MFHAS1: variants seen among roughly 807,000 people sequenced by gnomAD.
MFHAS1 encodes malignant fibrous histiocytoma-amplified sequence 1.
In MFHAS1, 50 loss-of-function variants were observed where a neutral mutation model predicts 70.4. The ratio of observed to expected loss-of-function variants is 0.71; its 90% CI spans 0.57 to 0.90. The LOEUF (loss-of-function observed/expected upper bound fraction) is 0.90, where lower values mean the gene tolerates loss of function less well. MFHAS1 is among the 40% of genes least tolerant of loss of function. The pLI is 0.00. For synonymous variants in MFHAS1, 952 were observed against 620.0 expected (o/e 1.54, Z -7.96); for missense variants, 1,795 against 1,347.6 (o/e 1.33, Z -5.20).
chr8:8,886,019 C>A (rs1198754439), intron 1 of MFHAS1, among the ~76,000 whole-genome samples: 1 of 152,188 alleles, frequency 6.6e-6, no homozygotes, highest in Non-Finnish European at 1.5e-5. Flanking sequence ...AAAAGAATCT[C>A]CTGTCACTCA....
In MFHAS1 at chr8:8,891,891, G is replaced by C. The variant is rs148631416; in HGVS notation, c.1168C>G (p.Pro390Ala). 6.2e-7 allele frequency: 1 copy of C among 1,611,408 alleles called. No individual in the cohort carries two copies. Among genetic ancestry groups the C allele is most frequent in the Non-Finnish European group, 8.5e-7 (1 of 1,178,766 alleles). Reference protein sequence around the residue: ...PPYEVCMKGIPYIAAYQKELA... With the variant: ...PPYEVCMKGIAYIAAYQKELA... The stretch of plus-strand genomic sequence containing the variant: ...TCCTTCTGGTAGGCTGCGATGTAGG[G>C]GATCCCCTTCATGCAGACCTCGTAG... The change falls in exon 1 of 3, where the codon CCC (proline) becomes GCC (alanine). Residue 390 changes from proline (P) to alanine (A), a missense_variant. Physicochemically the swap from Pro to Ala is conservative, Grantham distance 27. Coordinates refer to ENST00000276282, the MANE Select transcript of MFHAS1 (RefSeq NM_004225.3). The surrounding 1 kb of genome is among the most constrained non-coding windows in gnomAD (Gnocchi z 5.4).
intron 1 of MFHAS1, among the ~76,000 whole-genome samples, chr8:8,824,868 G>A (rs886644890): frequency 1.3e-5 from 2 of 152,214 alleles, no homozygotes; most frequent in African/African-American, 2.4e-5. Flanking sequence ...CACAGCGATC[G>A]CACCCTGGAG....
At position 8,892,285 on chromosome 8, in the gene MFHAS1, G is replaced by A. The variant is rs143241541; in HGVS notation, c.774C>T (p.Asp258=). 1 of 1,612,646 alleles carries A rather than the reference G, an allele frequency of 6.2e-7. No homozygotes were observed. The highest frequency in any genetic ancestry group is 8.5e-7 in the Non-Finnish European group (1 of 1,180,036). Residue 258 remains aspartate (D), a synonymous_variant, in exon 1 of 3, where the codon GAC becomes GAT. Coordinates refer to ENST00000276282, the MANE Select transcript of MFHAS1 (RefSeq NM_004225.3). The surrounding 1 kb of genome is among the most constrained non-coding windows in gnomAD (Gnocchi z 4.7). Reference sequence around the variant, plus strand: ...CGGGCAGAGCCTGCAGCCCGTTGTTGTCTAGCATGAGGCTCTCCAAACTGG... The same window carrying A: ...CGGGCAGAGCCTGCAGCCCGTTGTTATCTAGCATGAGGCTCTCCAAACTGG... ...ELASLESLML[D]NNGLQALPAQ... is the part of the protein sequence containing the mutation.
chr8:8,785,999 T>C lies in MFHAS1; in HGVS notation c.*23A>G, dbSNP rs778673952. 5 of 1,613,798 alleles carry C rather than the reference T, an allele frequency of 3.1e-6. No homozygotes were observed. Among genetic ancestry groups the C allele is most frequent in the East Asian group, 2.2e-5 (1 of 44,884 alleles). On this transcript the variant is annotated 3_prime_UTR_variant, in exon 3 of 3. Coordinates refer to ENST00000276282, the MANE Select transcript of MFHAS1 (RefSeq NM_004225.3). Reference sequence around the variant, plus strand: ...GTGTTCAGATGCTCTCTTTTCTCCATGGAAATTCCACAGCCACAAACGTCA... The same window carrying C: ...GTGTTCAGATGCTCTCTTTTCTCCACGGAAATTCCACAGCCACAAACGTCA...
intron 1 of MFHAS1, chr8:8,821,967 G>C (rs1171791913): frequency 1.3e-5 from 2 of 152,362 alleles, no homozygotes; most frequent in African/African-American, 4.8e-5. Context: ...GGCTCTGACA[G>C]CTCTAGGCCT....
At chr8:8,827,311 C>A (rs972756857) in intron 1 of MFHAS1, among the ~76,000 whole-genome samples, 1 of 152,186 alleles carries the variant, frequency 6.6e-6, no homozygotes, top group African/African-American at 2.4e-5. Context: ...AGTGGAATGA[C>A]TGAGTCTAAG....
At chr8:8,863,790 T>C (rs917408010) in intron 1 of MFHAS1, among the ~76,000 whole-genome samples, 2 of 152,194 alleles carry the variant, frequency 1.3e-5, no homozygotes, top group Admixed American at 6.5e-5. Flanking sequence ...CAGTTTCTAA[T>C]GAGCTTAGAA....
chr8:8,828,370 C>G (rs1202842412), intron 1 of MFHAS1, among the ~76,000 whole-genome samples: 1 of 152,186 alleles, frequency 6.6e-6, no homozygotes, highest in Non-Finnish European at 1.5e-5. Flanking sequence ...AGTGGGGAGG[C>G]AGAACACATG....
chr8:8,795,580 G>A (rs1481422783), intron 2 of MFHAS1, among the ~76,000 whole-genome samples: 1 of 152,232 alleles, frequency 6.6e-6, no homozygotes, highest in Non-Finnish European at 1.5e-5. Flanking sequence ...TTTCCAGCAA[G>A]GATAGATTAG....
chr8:8,876,942 G>GA (rs1372342889), intron 1 of MFHAS1, among the ~76,000 whole-genome samples: 1 of 149,834 alleles, frequency 6.7e-6, no homozygotes, highest in Non-Finnish European at 1.5e-5. Flanking sequence ...AAAAAAAAAA[G>GA]AAAAAAAATG....
chr8:8,882,683 T>TCTACCTGCTCTGACCCCC, intron 1 of MFHAS1, among the ~76,000 whole-genome samples: 1 of 152,196 alleles, frequency 6.6e-6, no homozygotes, highest in African/African-American at 2.4e-5. Flanking sequence ...CTCTGACCCC[T>TCTACCTGCTCTGACCCCC]TCTACCTGAT....
intron 1 of MFHAS1, among the ~76,000 whole-genome samples, chr8:8,802,155 C>T (rs548894567): frequency 3.9e-5 from 6 of 152,272 alleles, no homozygotes; most frequent in African/African-American, 1.2e-4. Flanking sequence ...TTCACAACAA[C>T]ACCAGAAGGG....
intron 1 of MFHAS1, among the ~76,000 whole-genome samples, chr8:8,808,476 A>G (rs1428094563): frequency 6.6e-6 from 1 of 152,216 alleles, no homozygotes; most frequent in Non-Finnish European, 1.5e-5. Context: ...AAGAGTAGTG[A>G]TGCTGGCGAT....
At chr8:8,815,733 A>G (rs1343893886) in intron 1 of MFHAS1, among the ~76,000 whole-genome samples, 2 of 152,150 alleles carry the variant, frequency 1.3e-5, no homozygotes, top group Admixed American at 6.5e-5. Flanking sequence ...ACTCTCCTAC[A>G]CTGTGGGTGG....
At chr8:8,879,278 G>A (rs1485443368) in intron 1 of MFHAS1, among the ~76,000 whole-genome samples, 2 of 152,086 alleles carry the variant, frequency 1.3e-5, no homozygotes, top group Non-Finnish European at 2.9e-5. Context: ...TTGAACCCGG[G>A]AGGCGGAAGC....
chr8:8,798,422 C>T (rs1481425402), intron 1 of MFHAS1, among the ~76,000 whole-genome samples: 1 of 152,210 alleles, frequency 6.6e-6, no homozygotes, highest in Non-Finnish European at 1.5e-5. Context: ...ATCTCCCAGG[C>T]TCAGGTGATC....
At chr8:8,849,954 C>T (rs1808180514) in intron 1 of MFHAS1, among the ~76,000 whole-genome samples, 1 of 152,222 alleles carries the variant, frequency 6.6e-6, no homozygotes, top group African/African-American at 2.4e-5. Flanking sequence ...TAGACTTTCT[C>T]AGGATGGTAG....
intron 2 of MFHAS1, among the ~76,000 whole-genome samples, chr8:8,787,331 T>C (rs576019379): frequency 4.3e-4 from 66 of 152,146 alleles, no homozygotes; most frequent in Non-Finnish European, 6.8e-4. Context: ...CCGCCCACCT[T>C]GGCCTCCCAA....
Position 8,886,526 on chromosome 8 carries a change from G to A in MFHAS1, c.2998+3535C>T, listed in dbSNP as rs553098557. ...AGAGAAATTTACCATTATACTTCCCGTGGTCAACTACAGTAGGGCAGCTCA... is the reference window on the plus strand; with the variant it reads ...AGAGAAATTTACCATTATACTTCCCATGGTCAACTACAGTAGGGCAGCTCA... On this transcript the variant is annotated intron_variant, in intron 1 of 2. Transcript: ENST00000276282. 5.3e-5 allele frequency among the ~76,000 whole-genome samples: 8 copies of A among 152,148 alleles called. No homozygotes were observed. In the South Asian group the frequency reaches 1.0e-3, roughly 20 times the overall value.
Sources: gnomAD v4.1 joint callset for allele counts (sites outside exome capture counted in the v4.1 genomes callset) on GRCh38, gnomAD v4.1.1 for gene constraint, Gnocchi (gnomAD v3.1) non-coding constraint, MANE v1.5 for transcripts, NCBI Gene and HGNC (gene_info 2026-07-23, HGNC 2026-07-21) for gene names.